LCA5: variants seen among roughly 807,000 people sequenced by gnomAD.
The protein encoded by LCA5 is lebercilin.
LCA5 carries 37 observed loss-of-function variants against 53.0 expected under a neutral mutation model. The ratio of observed to expected loss-of-function variants is 0.70; its 90% CI spans 0.54 to 0.92. The LOEUF (loss-of-function observed/expected upper bound fraction) is 0.92, where lower values mean the gene tolerates loss of function less well. LCA5 is among the 40% of genes least tolerant of loss of function. LCA5 has a pLI of 0.00. For synonymous variants in LCA5, 303 were observed against 282.9 expected (o/e 1.07, Z -0.71); for missense variants, 806 against 790.5 (o/e 1.02, Z -0.23).
chr6:79,524,900 CT>C (rs1253515595), intron 1 of LCA5, among the ~76,000 whole-genome samples: 3 of 151,998 alleles, frequency 2.0e-5, no homozygotes, highest in Non-Finnish European at 2.9e-5. Context: ...GATAATTAAC[CT>C]TTTTTTCATT....
At chr6:79,523,579 G>C (rs1206308069) in intron 1 of LCA5, among the ~76,000 whole-genome samples, 1 of 152,172 alleles carries the variant, frequency 6.6e-6, no homozygotes, top group East Asian at 1.9e-4. Context: ...GAGATGCTCA[G>C]TAAATTATAA....
rs546111089 is a variant in LCA5, at chr6:79,536,602, C to CTCTCA, written c.-192+558_-192+562dup. 7.9e-5 allele frequency among the ~76,000 whole-genome samples: 12 copies of CTCTCA among 152,314 alleles called. No homozygotes were observed. In the South Asian group the frequency reaches 2.5e-3, roughly 32 times the overall value. ...CTTTTATTTCTAACCATCTTTACTC[C>CTCTCA]TCTCATCCCATCCCTGAAGGATGTA... On this transcript the variant is annotated intron_variant, in intron 1 of 7. Transcript: ENST00000369846.
intron 1 of LCA5, among the ~76,000 whole-genome samples, chr6:79,536,493 T>A (rs1767126224): frequency 6.6e-6 from 1 of 152,240 alleles, no homozygotes; most frequent in African/African-American, 2.4e-5. Context: ...TGTTAAACAC[T>A]ATCCCACGGT....
chr6:79,528,503 T>G (rs548370743), intron 1 of LCA5, among the ~76,000 whole-genome samples: 8 of 152,274 alleles, frequency 5.3e-5, no homozygotes, highest in Non-Finnish European at 8.8e-5. Context: ...CCCCTCTCCC[T>G]GGCATTCCAT....
In LCA5 at chr6:79,502,877, G is replaced by A. The variant is rs188383635; in HGVS notation, c.721-9127C>T. Among the ~76,000 whole-genome samples, 738 of 151,832 alleles carry A rather than the reference G, an allele frequency of 4.9e-3. 3 individuals carry two copies. Among genetic ancestry groups the A allele is most frequent in the Non-Finnish European group, 8.1e-3 (548 of 67,894 alleles). ...CTAGTGACCTATATGATTCTTTTTT[G>A]TTTTGTTTTGTTTTGTTTCTTGAGA... On this transcript the variant is annotated intron_variant, in intron 3 of 7. Coordinates refer to ENST00000369846, the MANE Select transcript of LCA5 (RefSeq NM_001122769.3).
chr6:79,537,009 C>T (rs1005881132), intron 1 of LCA5, 156 bp downstream of exon 1: 1 of 152,552 alleles, frequency 6.6e-6, no homozygotes, highest in African/African-American at 2.4e-5. Flanking sequence ...TCCCTACATC[C>T]TCCCCCATCC....
chr6:79,521,168 G>C (rs181296570), intron 1 of LCA5, among the ~76,000 whole-genome samples: 4 of 152,268 alleles, frequency 2.6e-5, no homozygotes. Context: ...TGCTACAGGG[G>C]AAGGAAGGAA....
At chr6:79,536,893 C>G (rs1447612713) in intron 1 of LCA5, among the ~76,000 whole-genome samples, 1 of 152,160 alleles carries the variant, frequency 6.6e-6, no homozygotes, top group Non-Finnish European at 1.5e-5. Flanking sequence ...AGCTCCTCTC[C>G]TCCTAACTTC....
chr6:79,515,559 T>C (rs373699348), intron 2 of LCA5, among the ~76,000 whole-genome samples: 1 of 152,088 alleles, frequency 6.6e-6, no homozygotes, highest in African/African-American at 2.4e-5. Flanking sequence ...AAAAGAGGCA[T>C]TTTGAAAGTC....
intron 3 of LCA5, among the ~76,000 whole-genome samples, chr6:79,499,605 A>G (rs556100650): frequency 7.6e-6 from 1 of 131,086 alleles, no homozygotes; most frequent in African/African-American, 2.6e-5. Flanking sequence ...GAAACAATCA[A>G]TAAGGAAGAA....
intron 3 of LCA5, among the ~76,000 whole-genome samples, chr6:79,498,280 T>A (rs1288388822): frequency 6.6e-6 from 1 of 152,040 alleles, no homozygotes; most frequent in Non-Finnish European, 1.5e-5. Flanking sequence ...AACAGACGAA[T>A]CTGGGTAAAC....
intron 3 of LCA5, among the ~76,000 whole-genome samples, chr6:79,503,454 T>TA (rs1770196049): frequency 6.6e-6 from 1 of 152,134 alleles, no homozygotes; most frequent in East Asian, 1.9e-4. Context: ...AAACCTTTTT[T>TA]AAAAAAACAG....
intron 7 of LCA5, 99 bp from the exon 8 acceptor site, chr6:79,487,965 G>A (rs1769720711): frequency 1.1e-6 from 1 of 926,562 alleles, no homozygotes; most frequent in African/African-American, 1.7e-5. Flanking sequence ...TTTAATTTGG[G>A]TATTATAAAT....
At chr6:79,525,810 G>T (rs1766768820) in intron 1 of LCA5, among the ~76,000 whole-genome samples, 1 of 152,206 alleles carries the variant, frequency 6.6e-6, no homozygotes, top group Non-Finnish European at 1.5e-5. Context: ...GCAGCTGCAG[G>T]TGTGGGGGCG....
intron 3 of LCA5, among the ~76,000 whole-genome samples, chr6:79,500,866 C>T (rs765761669): frequency 3.3e-5 from 5 of 152,084 alleles, no homozygotes; most frequent in African/African-American, 7.2e-5. Flanking sequence ...GTTTCTTCCA[C>T]TGTTTCTTTT....
chr6:79,519,806 A>T (rs1313099166), intron 1 of LCA5, among the ~76,000 whole-genome samples: 1 of 152,014 alleles, frequency 6.6e-6, no homozygotes, highest in African/African-American at 2.4e-5. Flanking sequence ...TTAAAAACTA[A>T]AAGAAAAAAT....
rs1015590577 is a variant in LCA5, at chr6:79,504,831, T to C, written c.720+8381A>G. 2.0e-5 allele frequency among the ~76,000 whole-genome samples: 3 copies of C among 152,230 alleles called. No homozygotes were observed. In the South Asian group the frequency reaches 6.2e-4, roughly 32 times the overall value. ...GTGCAAAAATACACATACATATCTA[T>C]CTAAATATATGTATATAACATGATA... On this transcript the variant is annotated intron_variant, in intron 3 of 7. Transcript: ENST00000369846.
At chr6:79,535,221 G>A (rs527822043) in intron 1 of LCA5, among the ~76,000 whole-genome samples, 4 of 152,220 alleles carry the variant, frequency 2.6e-5, no homozygotes, top group Non-Finnish European at 4.4e-5. Context: ...GGACTGGATC[G>A]GGTGGAAGAT....
chr6:79,538,030 T>G (rs902045068), upstream of LCA5, among the ~76,000 whole-genome samples: 6 of 106,076 alleles, frequency 5.7e-5, no homozygotes, highest in African/African-American at 8.3e-5. Flanking sequence ...TTTTTTTTTT[T>G]TTTTTTTTTT....
Sources: allele counts gnomAD v4.1 joint callset (sites outside exome capture counted in the v4.1 genomes callset), GRCh38; gene constraint gnomAD v4.1.1; transcripts MANE v1.5; gene names NCBI Gene and HGNC (gene_info 2026-07-23, HGNC 2026-07-21).